Variants in SMIM35 observed in about 807,000 individuals in gnomAD.
SMIM35 encodes small integral membrane protein 35.
chr11:118,043,920 A>G (rs1258779032), intron 1 of SMIM35, among the ~76,000 whole-genome samples: 1 of 151,832 alleles, frequency 6.6e-6, no homozygotes, highest in Non-Finnish European at 1.5e-5. Flanking sequence ...GGCGATGAAA[A>G]TGTTCTAAAA....
chr11:118,007,880 T>C (rs146630850), intron 4 of SMIM35, among the ~76,000 whole-genome samples: 2 of 151,938 alleles, frequency 1.3e-5, no homozygotes, highest in African/African-American at 2.4e-5. Flanking sequence ...CTTTCTTTTT[T>C]TTTTTTTCTT....
At chr11:118,052,630 G>A (rs1944235663) in intron 1 of SMIM35, among the ~76,000 whole-genome samples, 1 of 151,872 alleles carries the variant, frequency 6.6e-6, no homozygotes, top group African/African-American at 2.4e-5. Flanking sequence ...TAAGCCCCTA[G>A]CTCTTCCCTA....
chr11:118,047,400 G>T (rs1565390833), intron 1 of SMIM35, among the ~76,000 whole-genome samples: 1 of 152,238 alleles, frequency 6.6e-6, no homozygotes, highest in Non-Finnish European at 1.5e-5. Flanking sequence ...ATGAGCCCTG[G>T]CCCCAGTCGG....
rs57497227 is a variant in SMIM35 at position 118,067,860 on chromosome 11, CATATATATATATATATATATAT to C, written c.7+18869_7+18890del. 2.9e-3 allele frequency among the ~76,000 whole-genome samples: 231 copies of C among 80,966 alleles called. 3 individuals are homozygous for C. Among genetic ancestry groups the C allele is most frequent in the African/African-American group, 0.011 (197 of 17,948 alleles). 53.1% of individuals were successfully genotyped at this position (80,966 alleles called of 152,430 possible). A position where few individuals can be genotyped will look rare whatever the true frequency, so the allele number is the denominator to read the frequency against. ...AAAACAACCACAAAACAACAACAAA[CATATATATATATATATATATAT>C]ATATATATATATATATATATATATG... On this transcript the variant is annotated intron_variant, in intron 1 of 4. Coordinates refer to ENST00000689828, the MANE Select transcript of SMIM35 (RefSeq NM_001394165.1).
At chr11:118,026,149 T>A (rs2058272235) in intron 1 of SMIM35, among the ~76,000 whole-genome samples, 1 of 152,258 alleles carries the variant, frequency 6.6e-6, no homozygotes, top group African/African-American at 2.4e-5. Flanking sequence ...TCCATTGGTC[T>A]AATGTGTCTC....
chr11:118,013,928 C>T (rs977767575), intron 3 of SMIM35, 48 bp from the exon 4 acceptor site: 1 of 398,760 alleles, frequency 2.5e-6, no homozygotes, highest in Non-Finnish European at 4.4e-6. Flanking sequence ...AACCTAGCCT[C>T]TCCCTGGGTC....
chr11:118,085,381 G>A (rs749733608), intron 1 of SMIM35, among the ~76,000 whole-genome samples: 2 of 151,814 alleles, frequency 1.3e-5, no homozygotes, highest in African/African-American at 2.4e-5. Flanking sequence ...CTGCCACCAC[G>A]CCCAGCTAAT....
At chr11:118,065,233 C>T (rs118118922) in intron 1 of SMIM35, among the ~76,000 whole-genome samples, 2,359 of 152,352 alleles carry the variant, frequency 0.015, 27 homozygotes, top group Non-Finnish European at 0.024. Flanking sequence ...AGCAAGGACA[C>T]TCCCAGCCTA....
chr11:118,057,091 G>A (rs1201254041), intron 1 of SMIM35, among the ~76,000 whole-genome samples: 2 of 152,208 alleles, frequency 1.3e-5, no homozygotes, highest in Admixed American at 6.5e-5. Flanking sequence ...AAGGGAAAGC[G>A]GTGCATTGGA....
At chr11:118,012,868 C>A (rs1261637929) in intron 4 of SMIM35, among the ~76,000 whole-genome samples, 1 of 152,214 alleles carries the variant, frequency 6.6e-6, no homozygotes, top group Non-Finnish European at 1.5e-5. Context: ...GGCCCCTGGT[C>A]AACCCTACAA....
chr11:118,013,980 C>T lies in SMIM35; in HGVS notation c.159-100G>A, dbSNP rs369160613. On this transcript the variant is annotated intron_variant, in intron 3 of 4. Coordinates refer to ENST00000689828, the MANE Select transcript of SMIM35 (RefSeq NM_001394165.1). Reference sequence around the variant, plus strand: ...CCAGGGCACCAACTCACTGACTTGTCTTCCAGAAAAGGAAGTGGGCCACTT... The same window carrying T: ...CCAGGGCACCAACTCACTGACTTGTTTTCCAGAAAAGGAAGTGGGCCACTT... The T allele has an allele frequency of 1.2e-4, 49 of 396,614 alleles. No individual in the cohort carries two copies. In the South Asian group the frequency reaches 5.9e-3, roughly 47 times the overall value. The allele number at this position is 396,614 out of a possible 1,614,324, so 24.6% of individuals were successfully genotyped here. A position where few individuals can be genotyped will look rare whatever the true frequency, so the allele number is the denominator to read the frequency against.
At chr11:118,068,017 A>G (rs972504718) in intron 1 of SMIM35, among the ~76,000 whole-genome samples, 2 of 151,178 alleles carry the variant, frequency 1.3e-5, no homozygotes, top group East Asian at 3.9e-4. Flanking sequence ...TGGGTACAAG[A>G]ACTCTAGTTT....
intron 1 of SMIM35, among the ~76,000 whole-genome samples, chr11:118,016,521 C>T (rs1025811278): frequency 2.6e-5 from 4 of 152,002 alleles, no homozygotes; most frequent in South Asian, 2.1e-4. Flanking sequence ...CACTCCTGCC[C>T]GATGAGGTAC....
At chr11:118,083,168 A>T (rs1268080981) in intron 1 of SMIM35, among the ~76,000 whole-genome samples, 1 of 152,146 alleles carries the variant, frequency 6.6e-6, no homozygotes, top group Non-Finnish European at 1.5e-5. Context: ...TTGCTCACAC[A>T]TCTGTTTCTA....
intron 4 of SMIM35, among the ~76,000 whole-genome samples, chr11:118,007,504 C>T (rs910490677): frequency 4.6e-5 from 7 of 152,036 alleles, no homozygotes; most frequent in South Asian, 2.1e-4. Context: ...CAAGAGATTC[C>T]CCTGCCTCAG....
rs571535225 is a variant in SMIM35, at chr11:118,086,785, T to A, written c.-28A>T. 1.3e-5 allele frequency: 2 copies of A among 152,728 alleles called. No homozygotes were observed. The highest frequency in any genetic ancestry group is 6.5e-5 in the Admixed American group (1 of 15,280). The allele number at this position is 152,728 out of a possible 1,614,324, so 9.5% of individuals were successfully genotyped here. On this transcript the variant is annotated 5_prime_UTR_variant, in exon 1 of 5. Transcript: ENST00000689828. ...CTGAGACATCCAAGAGAGAGAGCCC[T>A]GTTGCCAGCGCAGCAAAGGCATCAA...
chr11:118,017,696 G>C (rs1422171698), intron 1 of SMIM35, among the ~76,000 whole-genome samples: 1 of 152,088 alleles, frequency 6.6e-6, no homozygotes, highest in African/African-American at 2.4e-5. Flanking sequence ...AAACGTACCT[G>C]AGACTGGGTA....
At position 118,034,956 on chromosome 11, in the gene SMIM35, ATTT is replaced by A. The variant is rs377179849; in HGVS notation, c.8-19150_8-19148del. On this transcript the variant is annotated intron_variant, in intron 1 of 4. Coordinates refer to ENST00000689828, the MANE Select transcript of SMIM35 (RefSeq NM_001394165.1). ...TAAGTGGTGAGGAGTTTCCTTCTGA[ATTT>A]TTTTTTTTTTTTGACAGAGTTTCAC... is the stretch of plus-strand genomic sequence containing the variant. 3.0e-4 allele frequency among the ~76,000 whole-genome samples: 42 copies of A among 141,950 alleles called. No individual in the cohort carries two copies. The Middle Eastern group carries it at 0.011, about 37-fold the overall frequency. 93.1% of individuals were successfully genotyped at this position (141,950 alleles called of 152,430 possible).
rs566205917 is a variant in SMIM35, at chr11:118,042,152, G to A, written c.8-26343C>T. On this transcript the variant is annotated intron_variant, in intron 1 of 4. Transcript: ENST00000689828. ...GCTTAGAGTGGAAACTAATAAAATA[G>A]AAAATAAACAATAGAGAACACTAAC... Among the ~76,000 whole-genome samples, 278 of 144,368 alleles carry A rather than the reference G, an allele frequency of 1.9e-3. 1 individual carries two copies. Among genetic ancestry groups the A allele is most frequent in the Non-Finnish European group, 3.0e-3 (200 of 65,646 alleles). 94.7% of individuals were successfully genotyped at this position (144,368 alleles called of 152,430 possible). A position where few individuals can be genotyped will look rare whatever the true frequency, so the allele number is the denominator to read the frequency against.
Sources: gnomAD v4.1 joint callset for allele counts (sites outside exome capture counted in the v4.1 genomes callset) on GRCh38, gnomAD v4.1.1 for gene constraint, MANE v1.5 for transcripts, NCBI Gene and HGNC (gene_info 2026-07-23, HGNC 2026-07-21) for gene names.